KLHL1: variants seen among roughly 807,000 people sequenced by gnomAD.
KLHL1 encodes the protein kelch-like protein 1.
In KLHL1, 47 loss-of-function variants were observed where a neutral mutation model predicts 77.7. That is an observed-to-expected ratio of 0.60 (90% CI 0.48 to 0.77). The LOEUF (loss-of-function observed/expected upper bound fraction) is 0.77, where lower values mean the gene tolerates loss of function less well. Among genes scored for constraint, KLHL1 ranks in the 30% least tolerant of loss-of-function variants. KLHL1 has a pLI of 0.00. For synonymous variants in KLHL1, 360 were observed against 325.2 expected (o/e 1.11, Z -1.15); for missense variants, 925 against 910.8 (o/e 1.02, Z -0.20).
At chr13:70,045,380 AT>A (rs577638273) in intron 1 of KLHL1, among the ~76,000 whole-genome samples, 3 of 152,158 alleles carry the variant, frequency 2.0e-5, no homozygotes, top group East Asian at 3.9e-4. Flanking sequence ...TTCTACAGGT[AT>A]TTTTTTAGTT....
At chr13:69,747,677 T>C (rs931688448) in intron 7 of KLHL1, among the ~76,000 whole-genome samples, 1 of 151,832 alleles carries the variant, frequency 6.6e-6, no homozygotes, top group Non-Finnish European at 1.5e-5. Context: ...AACCAGGATA[T>C]TAAAATAAAA....
intron 6 of KLHL1, among the ~76,000 whole-genome samples, chr13:69,828,812 A>C (rs116754867): frequency 1.3e-5 from 2 of 149,768 alleles, no homozygotes; most frequent in African/African-American, 5.0e-5. Flanking sequence ...AACCTGTATG[A>C]CGCAGCAGAA....
intron 7 of KLHL1, among the ~76,000 whole-genome samples, chr13:69,766,418 T>C (rs1476053153): frequency 1.3e-5 from 2 of 151,404 alleles, no homozygotes; most frequent in African/African-American, 4.8e-5. Context: ...AAAATGCATT[T>C]CATATATTTT....
At chr13:69,757,648 C>G (rs1404327246) in intron 7 of KLHL1, among the ~76,000 whole-genome samples, 1 of 152,020 alleles carries the variant, frequency 6.6e-6, no homozygotes, top group African/African-American at 2.4e-5. Context: ...GTTTAAAGTA[C>G]TTAATCAAAT....
At chr13:70,087,438 C>A (rs1348411241) in intron 1 of KLHL1, among the ~76,000 whole-genome samples, 1 of 151,346 alleles carries the variant, frequency 6.6e-6, no homozygotes. Flanking sequence ...TGTGTTACAA[C>A]TATAATACGA....
chr13:69,780,727 T>TACAC (rs1566243975), intron 7 of KLHL1, among the ~76,000 whole-genome samples: 1 of 55,502 alleles, frequency 1.8e-5, no homozygotes, highest in African/African-American at 5.8e-5. Flanking sequence ...TATATATATA[T>TACAC]ATATACATAT....
intron 4 of KLHL1, among the ~76,000 whole-genome samples, chr13:69,895,591 G>C (rs7995380): frequency 0.87 from 132,988 of 152,192 alleles, 59,419 homozygotes; most frequent in South Asian, 0.98. Flanking sequence ...GAGGTCAGAA[G>C]TGCAGGCAGA....
At chr13:70,039,551 G>T (rs1886322051) in intron 1 of KLHL1, among the ~76,000 whole-genome samples, 3 of 150,454 alleles carry the variant, frequency 2.0e-5, no homozygotes. Context: ...AACGGCAAAA[G>T]ATTTATTGCC....
intron 8 of KLHL1, among the ~76,000 whole-genome samples, chr13:69,730,587 T>C (rs79084918): frequency 1.3e-5 from 2 of 152,034 alleles, no homozygotes; most frequent in African/African-American, 4.8e-5. Context: ...CCTTTTTTTT[T>C]CCTGGATACA....
chr13:69,991,801 A>G (rs1005165468), intron 1 of KLHL1, among the ~76,000 whole-genome samples: 1 of 152,094 alleles, frequency 6.6e-6, no homozygotes, highest in Non-Finnish European at 1.5e-5. Flanking sequence ...AACTCATTCT[A>G]TGAAGCCACT....
intron 7 of KLHL1, among the ~76,000 whole-genome samples, chr13:69,773,347 C>T (rs929051375): frequency 2.0e-5 from 3 of 152,012 alleles, no homozygotes; most frequent in African/African-American, 7.2e-5. Flanking sequence ...AAAGTCTGAT[C>T]AAGCATCAGT....
chr13:69,798,384 A>G (rs866998848), intron 6 of KLHL1, among the ~76,000 whole-genome samples: 71 of 152,322 alleles, frequency 4.7e-4, no homozygotes, highest in African/African-American at 1.7e-3. Context: ...ATTAAAGTAA[A>G]AACGATACAA....
intron 8 of KLHL1, among the ~76,000 whole-genome samples, chr13:69,737,621 G>T (rs959011116): frequency 1.3e-5 from 2 of 152,314 alleles, no homozygotes; most frequent in East Asian, 3.9e-4. Context: ...GACTGGGTCA[G>T]TTCGTGGCCA....
intron 5 of KLHL1, among the ~76,000 whole-genome samples, chr13:69,880,237 G>T (rs898285115): frequency 1.3e-5 from 2 of 152,058 alleles, no homozygotes; most frequent in African/African-American, 2.4e-5. Context: ...CTTTGCATCT[G>T]TTTTTTAATA....
chr13:69,860,770 TA>T (rs1314989157), intron 5 of KLHL1, among the ~76,000 whole-genome samples: 4 of 151,696 alleles, frequency 2.6e-5, no homozygotes, highest in African/African-American at 9.7e-5. Context: ...TAATAGATAA[TA>T]AAAACAATGT....
intron 6 of KLHL1, among the ~76,000 whole-genome samples, chr13:69,824,498 T>C (rs1208854127): frequency 1.3e-5 from 2 of 152,112 alleles, no homozygotes; most frequent in African/African-American, 2.4e-5. Flanking sequence ...GCTTTATTCA[T>C]AATAGCTAAA....
intron 6 of KLHL1, among the ~76,000 whole-genome samples, chr13:69,810,091 G>C (rs999898512): frequency 1.3e-5 from 2 of 152,154 alleles, no homozygotes; most frequent in South Asian, 2.1e-4. Context: ...AAGTAATAGT[G>C]GCAGACTGCA....
intron 3 of KLHL1, among the ~76,000 whole-genome samples, chr13:69,959,750 G>A (rs1344038848): frequency 6.6e-6 from 1 of 151,828 alleles, no homozygotes; most frequent in Non-Finnish European, 1.5e-5. Flanking sequence ...TTCTGGAGGA[G>A]AGTAGAAGAC....
chr13:70,046,926 C>T (rs1886514409), intron 1 of KLHL1, among the ~76,000 whole-genome samples: 1 of 152,130 alleles, frequency 6.6e-6, no homozygotes, highest in Admixed American at 6.6e-5. Flanking sequence ...TTTGATCCTC[C>T]TTTCACAGTA....
Sources: allele counts gnomAD v4.1 joint callset (sites outside exome capture counted in the v4.1 genomes callset), GRCh38; gene constraint gnomAD v4.1.1; transcripts MANE v1.5; gene names NCBI Gene and HGNC (gene_info 2026-07-23, HGNC 2026-07-21).